Variants in EGFLAM observed in about 807,000 individuals in gnomAD.
EGFLAM encodes EGF like, fibronectin type III and laminin G domains, also known as pikachurin.
EGFLAM carries 79 observed loss-of-function variants against 113.1 expected under a neutral mutation model. The ratio of observed to expected loss-of-function variants is 0.70; its 90% CI spans 0.58 to 0.84. The LOEUF is 0.84. EGFLAM is among the 40% of genes least tolerant of loss of function. EGFLAM has a pLI of 0.00. For synonymous variants in EGFLAM, 504 were observed against 487.6 expected, an observed-to-expected ratio of 1.03 and a Z score of -0.44; for missense variants, 1,265 against 1,291.6, an observed-to-expected ratio of 0.98 and a Z score of 0.32.
At chr5:38,343,201 C>T (rs143333709) in intron 3 of EGFLAM, among the ~76,000 whole-genome samples, 2 of 151,860 alleles carry the variant, frequency 1.3e-5, no homozygotes, top group African/African-American at 4.8e-5. Flanking sequence ...GTCAGGAGTT[C>T]GAGACCAGCC....
chr5:38,450,240 A>G (rs1742867934), intron 18 of EGFLAM, among the ~76,000 whole-genome samples: 1 of 152,200 alleles, frequency 6.6e-6, no homozygotes, highest in Non-Finnish European at 1.5e-5. Context: ...AACCTGAGCG[A>G]AAATCTGGGC....
intron 1 of EGFLAM, among the ~76,000 whole-genome samples, chr5:38,301,710 G>C (rs925452475): frequency 6.6e-6 from 1 of 152,140 alleles, no homozygotes; most frequent in Non-Finnish European, 1.5e-5. Flanking sequence ...GGAGCTTGAA[G>C]GGGGGTAGGG....
Position 38,431,162 on chromosome 5 carries a change from AT to A in EGFLAM, c.2055-14del. ...ACTCGATACATAAAAATAATATCAC[AT>A]CTTCCTTCCACAGGAGTGAAGATCC... On this transcript the variant is annotated splice_polypyrimidine_tract_variant and intron_variant, in intron 14 of 21. Coordinates refer to ENST00000322350, the MANE Select transcript of EGFLAM (RefSeq NM_152403.4). 6.2e-7 allele frequency: 1 copy of A among 1,611,752 alleles called. No homozygotes were observed. Among genetic ancestry groups the A allele is most frequent in the Non-Finnish European group, 8.5e-7 (1 of 1,178,024 alleles).
At chr5:38,403,857 C>T (rs1450145878) in intron 6 of EGFLAM, 3 of 1,613,788 alleles carry the variant, frequency 1.9e-6, no homozygotes, top group Non-Finnish European at 2.5e-6. Flanking sequence ...CACAGATACG[C>T]TGCATGCAGG....
At chr5:38,337,813 A>C (rs1281711170) in intron 2 of EGFLAM, among the ~76,000 whole-genome samples, 184 bp downstream of exon 2, 1 of 152,194 alleles carries the variant, frequency 6.6e-6, no homozygotes, top group African/African-American at 2.4e-5. Context: ...GTCACATCAC[A>C]TCTGCATTAC....
At chr5:38,463,707 C>A in intron 21 of EGFLAM, 125 bp from the exon 22 acceptor site, 2 of 1,172,454 alleles carry the variant, frequency 1.7e-6, no homozygotes, top group Non-Finnish European at 2.4e-6. Context: ...ACAGCCCTCA[C>A]ATGTCCCATG....
chr5:38,399,277 G>GTTT (rs797021726), intron 6 of EGFLAM, among the ~76,000 whole-genome samples: 9 of 118,466 alleles, frequency 7.6e-5, no homozygotes, highest in Non-Finnish European at 1.2e-4. Flanking sequence ...TTTTGTTTTC[G>GTTT]TTTTTTTTTT....
rs77933240 is a variant in EGFLAM, at chr5:38,346,906, A to G, written c.292-3595A>G. 6.3e-3 allele frequency among the ~76,000 whole-genome samples: 871 copies of G among 138,226 alleles called. 8 individuals are homozygous for G. The highest frequency in any genetic ancestry group is 0.045 in the East Asian group (190 of 4,222). The allele number at this position is 138,226 out of a possible 152,430, so 90.7% of individuals were successfully genotyped here. On this transcript the variant is annotated intron_variant, in intron 3 of 21. Transcript: ENST00000322350. ...AAGTAGAGCTGGAGAGGGGATCTGA[A>G]GGCAGGTCCACATGTGCAGCAAAGG...
chr5:38,265,882 T>C (rs2111695450), intron 1 of EGFLAM, among the ~76,000 whole-genome samples: 1 of 152,310 alleles, frequency 6.6e-6, no homozygotes, highest in South Asian at 2.1e-4. Context: ...GATGCACACT[T>C]TGAGACATGC....
chr5:38,361,369 T>C (rs1739915986), intron 5 of EGFLAM, among the ~76,000 whole-genome samples: 1 of 152,182 alleles, frequency 6.6e-6, no homozygotes, highest in Non-Finnish European at 1.5e-5. Context: ...TGTAGTTAAT[T>C]ACTTCTTCAA....
intron 1 of EGFLAM, among the ~76,000 whole-genome samples, chr5:38,280,331 C>T (rs368654182): frequency 1.6e-4 from 24 of 152,338 alleles, no homozygotes; most frequent in African/African-American, 5.8e-4. Flanking sequence ...CTTCACTCCA[C>T]AGTTACTGTC....
chr5:38,404,007 C>T, intron 6 of EGFLAM: 1 of 1,590,038 alleles, frequency 6.3e-7, no homozygotes, highest in Non-Finnish European at 8.6e-7. Context: ...GTTATCCCAC[C>T]TCCACCAAGA....
chr5:38,435,732 A>G (rs1561091888), intron 16 of EGFLAM, among the ~76,000 whole-genome samples: 3 of 151,492 alleles, frequency 2.0e-5, no homozygotes. Context: ...TTAAGAGCAT[A>G]GATTAAAGAG....
chr5:38,393,000 T>A (rs2961890), intron 6 of EGFLAM, among the ~76,000 whole-genome samples: 60,361 of 151,898 alleles, frequency 0.4, 15,881 homozygotes, highest in African/African-American at 0.76. Context: ...AGCCTCCCAA[T>A]GTGCTGGGAT....
intron 3 of EGFLAM, chr5:38,345,340 C>G (rs754826993): frequency 2.0e-5 from 3 of 152,112 alleles, no homozygotes; most frequent in Admixed American, 1.3e-4. Context: ...AATGATGATA[C>G]CAATTGTAAG....
At chr5:38,363,287 T>G (rs780524895) in intron 5 of EGFLAM, among the ~76,000 whole-genome samples, 55 of 152,152 alleles carry the variant, frequency 3.6e-4, no homozygotes, top group Non-Finnish European at 5.4e-4. Context: ...ATGTATGGGA[T>G]CACATCTCTT....
At chr5:38,412,439 C>T (rs571032480) in intron 10 of EGFLAM, 65 bp from the exon 11 acceptor site, 17 of 1,611,712 alleles carry the variant, frequency 1.1e-5, no homozygotes, top group South Asian at 4.4e-5. Flanking sequence ...GTGACGTCCA[C>T]GGAATCTGAA....
intron 1 of EGFLAM, among the ~76,000 whole-genome samples, chr5:38,336,827 T>C (rs1164957593): frequency 2.7e-5 from 4 of 148,878 alleles, no homozygotes; most frequent in Admixed American, 2.7e-4. Context: ...CACACACACG[T>C]ACACACACAC....
intron 3 of EGFLAM, among the ~76,000 whole-genome samples, chr5:38,343,903 G>A (rs1228610878): frequency 2.6e-5 from 4 of 152,136 alleles, no homozygotes; most frequent in South Asian, 4.1e-4. Context: ...AAGCTAAGTG[G>A]CATCCCCAAG....
Sources: gnomAD v4.1 joint callset for allele counts (sites outside exome capture counted in the v4.1 genomes callset) on GRCh38, gnomAD v4.1.1 for gene constraint, MANE v1.5 for transcripts, NCBI Gene and HGNC (gene_info 2026-07-23, HGNC 2026-07-21) for gene names.